The following CERS6 variants were observed in gnomAD, a reference collection of about 807,000 sequenced individuals.
The protein encoded by CERS6 is ceramide synthase 6, also known as LAG1 homolog, ceramide synthase 6.
Under a neutral mutation model 56.8 loss-of-function variants are expected in CERS6, and 26 were observed. The observed-to-expected ratio is 0.46, with a 90% CI of 0.34 to 0.63. The LOEUF is 0.63. CERS6 is among the 30% of genes least tolerant of loss of function. CERS6 has a pLI of 0.01. For synonymous variants in CERS6, 164 were observed against 173.3 expected (o/e 0.95, Z 0.42); for missense variants, 415 against 467.5 (o/e 0.89, Z 1.04).
chr2:168,644,598 A>G (rs1685128040), intron 4 of CERS6, among the ~76,000 whole-genome samples: 3 of 152,188 alleles, frequency 2.0e-5, no homozygotes. Flanking sequence ...TGTCCCTGGC[A>G]TTGGTCCACA....
chr2:168,716,988 C>A (rs1242365143), intron 7 of CERS6, among the ~76,000 whole-genome samples: 1 of 151,736 alleles, frequency 6.6e-6, no homozygotes, highest in Non-Finnish European at 1.5e-5. Flanking sequence ...AATTTATAAC[C>A]CTGTGTGTAG....
chr2:168,634,114 AACAACC>A (rs1684809748), intron 4 of CERS6, among the ~76,000 whole-genome samples: 1 of 152,224 alleles, frequency 6.6e-6, no homozygotes, highest in East Asian at 1.9e-4. Context: ...GACACTACAG[AACAACC>A]TTACAGACAT....
Position 168,774,796 on chromosome 2 carries a change from A to G in CERS6, c.*5134A>G, listed in dbSNP as rs1027064703. The G allele has an allele frequency of 1.4e-4, 21 of 152,092 alleles. No homozygotes were observed. Among genetic ancestry groups the G allele is most frequent in the Admixed American group, 1.1e-3 (17 of 15,268 alleles). The allele number at this position is 152,092 out of a possible 1,614,324, so 9.4% of individuals were successfully genotyped here. On this transcript the variant is annotated 3_prime_UTR_variant, in exon 10 of 10. Transcript: ENST00000305747. ...GCCCCTAAGCTCATGATTTTCATCA[A>G]CTCTTTGCCCACATAGTCATTTACC...
intron 3 of CERS6, among the ~76,000 whole-genome samples, chr2:168,591,916 A>G (rs1243971054): frequency 1.3e-5 from 2 of 152,198 alleles, no homozygotes; most frequent in African/African-American, 4.8e-5. Context: ...TGGACCCTCA[A>G]TGCTGGGATA....
At chr2:168,678,280 G>C (rs565584582) in intron 4 of CERS6, among the ~76,000 whole-genome samples, 1 of 152,122 alleles carries the variant, frequency 6.6e-6, no homozygotes, top group Non-Finnish European at 1.5e-5. Flanking sequence ...GGCCCTTCGC[G>C]AATCGCTGCC....
At chr2:168,583,481 C>T (rs1161302365) in intron 3 of CERS6, among the ~76,000 whole-genome samples, 2 of 152,182 alleles carry the variant, frequency 1.3e-5, no homozygotes, top group Non-Finnish European at 1.5e-5. Flanking sequence ...TTTTCATTTG[C>T]TTTCTCTTTC....
intron 1 of CERS6, among the ~76,000 whole-genome samples, chr2:168,457,229 G>T (rs1044274666): frequency 6.6e-6 from 1 of 152,218 alleles, no homozygotes; most frequent in Non-Finnish European, 1.5e-5. Flanking sequence ...GGGGATAATA[G>T]CATTTCAGGT....
chr2:168,747,990 T>A (rs1684156962), intron 8 of CERS6, among the ~76,000 whole-genome samples: 1 of 152,246 alleles, frequency 6.6e-6, no homozygotes, highest in Admixed American at 6.5e-5. Context: ...GTTCATGTTT[T>A]CATAAGCCAG....
chr2:168,597,484 CAGGTGTGT>C (rs1683829436), intron 3 of CERS6, among the ~76,000 whole-genome samples: 2 of 152,140 alleles, frequency 1.3e-5, no homozygotes, highest in Admixed American at 1.3e-4. Context: ...AAGACACATT[CAGGTGTGT>C]CTGCCTTACA....
Position 168,722,969 on chromosome 2 carries a change from C to G in CERS6, c.845+4991C>G, listed in dbSNP as rs1372884170. On this transcript the variant is annotated intron_variant, in intron 8 of 9. Coordinates refer to ENST00000305747, the MANE Select transcript of CERS6 (RefSeq NM_203463.3). Reference sequence around the variant, plus strand: ...TTGCTGTTCCTAGGACATGGCTTACCCCAGAAAGTGCAATTTTTATATCCA... The same window carrying G: ...TTGCTGTTCCTAGGACATGGCTTACGCCAGAAAGTGCAATTTTTATATCCA... Among the ~76,000 whole-genome samples, 4 of 152,122 alleles carry G rather than the reference C, an allele frequency of 2.6e-5. No homozygotes were observed. In the East Asian group the frequency reaches 7.7e-4, roughly 29 times the overall value.
chr2:168,765,401 G>T (rs1050496903), intron 8 of CERS6, among the ~76,000 whole-genome samples, 191 bp from the exon 9 acceptor site: 2 of 152,180 alleles, frequency 1.3e-5, no homozygotes, highest in Non-Finnish European at 2.9e-5. Context: ...AAAACCAAAT[G>T]AAAGTCACAC....
In CERS6 at chr2:168,763,814, G is replaced by A. The variant is rs114828487; in HGVS notation, c.846-1778G>A. Among the ~76,000 whole-genome samples the A allele has an allele frequency of 3.0e-3, 464 of 152,288 alleles. 2 individuals are homozygous for A. Among genetic ancestry groups the A allele is most frequent in the African/African-American group, 0.011 (438 of 41,550 alleles). On this transcript the variant is annotated intron_variant, in intron 8 of 9. Coordinates refer to ENST00000305747, the MANE Select transcript of CERS6 (RefSeq NM_203463.3). ...GAAATGCACTTAGGTGAGTTTTCTT[G>A]TGTGTCTCCAAACCATCCCTGGGGT...
At chr2:168,703,633 GA>G (rs2105375221) in intron 6 of CERS6, among the ~76,000 whole-genome samples, 1 of 152,236 alleles carries the variant, frequency 6.6e-6, no homozygotes, top group Non-Finnish European at 1.5e-5. Context: ...TTCTTTGCTT[GA>G]AAAGCTAAAA....
intron 3 of CERS6, among the ~76,000 whole-genome samples, chr2:168,589,970 T>C (rs1683634373): frequency 6.6e-6 from 1 of 152,206 alleles, no homozygotes. Flanking sequence ...ACACAGACCA[T>C]GAGTTAATGA....
At position 168,456,533 on chromosome 2, in the gene CERS6, G is replaced by C; in HGVS notation, c.85G>C (p.Glu29Gln). The C allele has an allele frequency of 6.2e-7, 1 of 1,614,104 alleles. No homozygotes were observed. ...VTWADLKNTE[E>Q]ATFPQAEDLY... ...CTGGGCGGACCTGAAGAACACGGAG[G>C]AGGCCACCTTCCCGCAGGCTGAGGA... Residue 29 changes from glutamate (E) to glutamine (Q), a missense_variant, in exon 1 of 10, where the codon GAG becomes CAG. Coordinates refer to ENST00000305747, the MANE Select transcript of CERS6 (RefSeq NM_203463.3). The surrounding 1 kb of genome is among the most constrained non-coding windows in gnomAD (Gnocchi z 4.1).
At chr2:168,547,469 A>G (rs1010765751) in intron 1 of CERS6, 127 bp from the exon 2 acceptor site, 22 of 599,690 alleles carry the variant, frequency 3.7e-5, no homozygotes, top group Non-Finnish European at 5.7e-5. Flanking sequence ...AGTGTTGACA[A>G]TGTACACCCA....
intron 3 of CERS6, 74 bp from the exon 4 acceptor site, chr2:168,630,911 C>T: frequency 1.6e-6 from 1 of 641,422 alleles, no homozygotes; most frequent in Non-Finnish European, 2.7e-6. Flanking sequence ...ACTCTTTTCC[C>T]TCCCTTACAT....
At chr2:168,509,345 T>G (rs926250057) in intron 1 of CERS6, among the ~76,000 whole-genome samples, 1 of 152,226 alleles carries the variant, frequency 6.6e-6, no homozygotes, top group East Asian at 1.9e-4. Context: ...CACCTTTAAG[T>G]TAATGCCATT....
At chr2:168,505,635 A>T (rs529790121) in intron 1 of CERS6, among the ~76,000 whole-genome samples, 140 of 152,268 alleles carry the variant, frequency 9.2e-4, no homozygotes, top group Non-Finnish European at 1.1e-3. Context: ...TACTGAAAGC[A>T]TGGCCCCCAG....
Sources: gnomAD v4.1 joint callset for allele counts (sites outside exome capture counted in the v4.1 genomes callset) on GRCh38, gnomAD v4.1.1 for gene constraint, Gnocchi (gnomAD v3.1) non-coding constraint, MANE v1.5 for transcripts, NCBI Gene and HGNC (gene_info 2026-07-23, HGNC 2026-07-21) for gene names.